GRM3: variants seen among roughly 807,000 people sequenced by gnomAD.
GRM3 encodes glutamate metabotropic receptor 3, also known as metabotropic glutamate receptor 3.
In GRM3, 26 loss-of-function variants were observed where a neutral mutation model predicts 70.5. The ratio of observed to expected loss-of-function variants is 0.37; its 90% CI spans 0.27 to 0.51. GRM3 has a LOEUF of 0.51. Among genes scored for constraint, GRM3 ranks in the 20% least tolerant of loss-of-function variants. GRM3 has a pLI of 0.93. For synonymous variants in GRM3, 443 were observed against 434.9 expected (o/e 1.02, Z -0.23); for missense variants, 859 against 1,123.8 (o/e 0.76, Z 3.37).
At chr7:86,783,310 G>C (rs1797126838) in intron 2 of GRM3, among the ~76,000 whole-genome samples, 1 of 152,198 alleles carries the variant, frequency 6.6e-6, no homozygotes, top group Non-Finnish European at 1.5e-5. Context: ...CACAGTAGAA[G>C]GTAGAGAGGA....
chr7:86,675,864 G>A, intron 1 of GRM3, among the ~76,000 whole-genome samples: 1 of 152,028 alleles, frequency 6.6e-6, no homozygotes, highest in South Asian at 2.1e-4. Flanking sequence ...AAAATACCAA[G>A]AATAATTCAC....
At chr7:86,831,605 C>T (rs993960606) in intron 3 of GRM3, among the ~76,000 whole-genome samples, 1 of 152,020 alleles carries the variant, frequency 6.6e-6, no homozygotes, top group Non-Finnish European at 1.5e-5. Context: ...TTTCCCTATG[C>T]CCCTACCTCC....
At chr7:86,833,242 G>C (rs1798388913) in intron 3 of GRM3, 1 of 118,464 alleles carries the variant, frequency 8.4e-6, no homozygotes, top group African/African-American at 3.4e-5. Flanking sequence ...TCTGGGGACT[G>C]TTGTGGGGTG....
chr7:86,814,725 T>C (rs928063640), intron 3 of GRM3, among the ~76,000 whole-genome samples: 2 of 151,392 alleles, frequency 1.3e-5, no homozygotes, highest in Non-Finnish European at 3.0e-5. Flanking sequence ...GCCCTGAGGG[T>C]GGAGTTAGGC....
intron 1 of GRM3, among the ~76,000 whole-genome samples, chr7:86,711,078 GC>G (rs1432634268): frequency 6.6e-6 from 1 of 151,990 alleles, no homozygotes; most frequent in Admixed American, 6.6e-5. Flanking sequence ...CTCTCTCTGA[GC>G]CCCACTTTCC....
intron 3 of GRM3, among the ~76,000 whole-genome samples, chr7:86,827,850 C>A (rs1284042268): frequency 6.6e-6 from 1 of 152,144 alleles, no homozygotes; most frequent in Admixed American, 6.5e-5. Context: ...CGGTGGCTCA[C>A]ACCTGTAACC....
chr7:86,851,935 G>A (rs1798762428), intron 5 of GRM3, among the ~76,000 whole-genome samples: 1 of 152,086 alleles, frequency 6.6e-6, no homozygotes, highest in Admixed American at 6.6e-5. Context: ...TTAACAACAG[G>A]TAACAGGAAC....
chr7:86,831,494 A>G (rs1046047727), intron 3 of GRM3, among the ~76,000 whole-genome samples: 1 of 152,158 alleles, frequency 6.6e-6, no homozygotes, highest in Admixed American at 6.5e-5. Flanking sequence ...CAAAGATTCA[A>G]TGACCACTAT....
chr7:86,653,542 C>T (rs1336099285), intron 1 of GRM3, among the ~76,000 whole-genome samples: 2 of 152,102 alleles, frequency 1.3e-5, no homozygotes, highest in East Asian at 3.8e-4. Context: ...CTAGAAATGT[C>T]CTATTATCTT....
chr7:86,785,615 T>A (rs1300326551), intron 2 of GRM3, among the ~76,000 whole-genome samples: 1 of 150,540 alleles, frequency 6.6e-6, no homozygotes, highest in Non-Finnish European at 1.5e-5. Flanking sequence ...AAAGAAAATA[T>A]TGGTCAAGAT....
At chr7:86,787,696 A>C (rs966411427) in intron 3 of GRM3, among the ~76,000 whole-genome samples, 1 of 152,198 alleles carries the variant, frequency 6.6e-6, no homozygotes, top group African/African-American at 2.4e-5. Context: ...TATTATTAAT[A>C]GTTGGGGATT....
At chr7:86,685,120 T>C (rs78309690) in intron 1 of GRM3, among the ~76,000 whole-genome samples, 2,039 of 152,336 alleles carry the variant, frequency 0.013, 38 homozygotes, top group African/African-American at 0.047. Context: ...ATTTGCAGCA[T>C]GACTTCCATC....
intron 1 of GRM3, among the ~76,000 whole-genome samples, chr7:86,668,843 G>A (rs1421015192): frequency 1.3e-5 from 2 of 152,144 alleles, no homozygotes; most frequent in South Asian, 4.1e-4. Context: ...AGAAATGGGA[G>A]GAAGTATATC....
intron 1 of GRM3, among the ~76,000 whole-genome samples, chr7:86,759,229 T>G (rs1265835997): frequency 2.0e-5 from 3 of 152,154 alleles, no homozygotes; most frequent in Non-Finnish European, 4.4e-5. Flanking sequence ...TGTATTCTAA[T>G]TCTTTTTTCT....
chr7:86,797,198 C>A (rs1250806735), intron 3 of GRM3, among the ~76,000 whole-genome samples: 3 of 152,162 alleles, frequency 2.0e-5, no homozygotes, highest in African/African-American at 7.2e-5. Context: ...AACTGGGTAA[C>A]AGGCAGAGGT....
intron 3 of GRM3, among the ~76,000 whole-genome samples, chr7:86,804,797 T>A (rs1256653516): frequency 6.6e-6 from 1 of 152,152 alleles, no homozygotes; most frequent in Non-Finnish European, 1.5e-5. Flanking sequence ...TTAGTGATAA[T>A]AGGATATCCT....
intron 1 of GRM3, among the ~76,000 whole-genome samples, chr7:86,749,179 C>T (rs1296733155): frequency 6.6e-6 from 1 of 151,986 alleles, no homozygotes; most frequent in African/African-American, 2.4e-5. Context: ...ATAAAAATAG[C>T]TTTTAAACAA....
chr7:86,753,792 G>T (rs1248731398), intron 1 of GRM3, among the ~76,000 whole-genome samples: 2 of 152,124 alleles, frequency 1.3e-5, no homozygotes, highest in East Asian at 1.9e-4. Flanking sequence ...TACCACCAGT[G>T]GTGTGCTGGT....
Position 86,786,166 on chromosome 7 carries a change from G to A in GRM3, c.469-95G>A, listed in dbSNP as rs2116539094. ...TAGCCATCTAGAGTAGAGGGAAAAG[G>A]GAGTCAGTAAAAGGTGTGGATGCTA... On this transcript the variant is annotated intron_variant, in intron 2 of 5. Coordinates refer to ENST00000361669, the MANE Select transcript of GRM3 (RefSeq NM_000840.3). The surrounding 1 kb of genome is among the most constrained non-coding windows in gnomAD (Gnocchi z 6.0). The A allele has an allele frequency of 9.8e-7, 1 of 1,021,032 alleles. No homozygotes were observed. The highest frequency in any genetic ancestry group is 1.5e-6 in the Non-Finnish European group (1 of 684,942). The allele number at this position is 1,021,032 out of a possible 1,614,324, so 63.2% of individuals were successfully genotyped here.
Sources: allele counts gnomAD v4.1 joint callset (sites outside exome capture counted in the v4.1 genomes callset), GRCh38; gene constraint gnomAD v4.1.1; non-coding constraint Gnocchi (gnomAD v3.1); transcripts MANE v1.5; gene names NCBI Gene and HGNC (gene_info 2026-07-23, HGNC 2026-07-21).